The following NAV2 variants were observed in gnomAD, a reference collection of about 807,000 sequenced individuals.
The protein encoded by NAV2 is neuron navigator 2, also known as helicase, APC down-regulated 1.
Under a neutral mutation model 223.2 loss-of-function variants are expected in NAV2, and 54 were observed. The ratio of observed to expected loss-of-function variants is 0.24; its 90% CI spans 0.19 to 0.30. The LOEUF is 0.30. NAV2 is among the 10% of genes least tolerant of loss of function. The probability of loss-of-function intolerance (pLI) is 1.00; values close to 1 mark genes in which losing one functional copy is unlikely to be tolerated. For missense variants in NAV2, 2,806 were observed against 3,147.5 expected (o/e 0.89, Z 2.60); for synonymous variants, 1,279 against 1,239.3 (o/e 1.03, Z -0.67).
intron 1 of NAV2, among the ~76,000 whole-genome samples, chr11:19,360,005 C>T (rs1376571082): frequency 2.6e-5 from 4 of 152,178 alleles, no homozygotes; most frequent in South Asian, 2.1e-4. Context: ...GAGAACTTCC[C>T]TCTGGGTTTC....
At chr11:19,631,071 A>G (rs1369944942) in intron 1 of NAV2, among the ~76,000 whole-genome samples, 6 of 148,310 alleles carry the variant, frequency 4.0e-5, no homozygotes, top group South Asian at 2.1e-4. Context: ...TGCCCCTTTC[A>G]TTTTATCCAT....
intron 1 of NAV2, among the ~76,000 whole-genome samples, chr11:19,365,878 G>A (rs755168181): frequency 6.6e-6 from 1 of 152,198 alleles, no homozygotes; most frequent in Non-Finnish European, 1.5e-5. Flanking sequence ...AGAACAATAA[G>A]CATCTGGACA....
Position 19,350,907 on chromosome 11 carries a change from A to G in NAV2, c.-46A>G, listed in dbSNP as rs376491191. 1.0e-3 allele frequency: 1,576 copies of G among 1,539,082 alleles called. 2 individuals carry two copies. The highest frequency in any genetic ancestry group is 1.7e-3 in the Middle Eastern group (10 of 5,968). On this transcript the variant is annotated 5_prime_UTR_variant, in exon 1 of 38. Transcript: ENST00000360655. ...TGTGGGTTATTTTGTTCCTCTGTGG[A>G]TTTGGAAGCATCGCTGAAGGAGAGA... is the stretch of plus-strand genomic sequence containing the variant.
At chr11:20,075,387 C>A (rs746208837) in intron 22 of NAV2, among the ~76,000 whole-genome samples, 18 of 149,234 alleles carry the variant, frequency 1.2e-4, no homozygotes, top group Non-Finnish European at 2.1e-4. Flanking sequence ...CCATGCCCAG[C>A]TAGTTTTTTG....
At chr11:19,979,744 G>A (rs1463490075) in intron 10 of NAV2, among the ~76,000 whole-genome samples, 7 of 152,318 alleles carry the variant, frequency 4.6e-5, no homozygotes, top group Non-Finnish European at 8.8e-5. Flanking sequence ...ATTAGGAAGT[G>A]CTCCCTATAT....
chr11:19,820,418 G>T (rs2059309506), intron 1 of NAV2, among the ~76,000 whole-genome samples: 1 of 152,260 alleles, frequency 6.6e-6, no homozygotes, highest in South Asian at 2.1e-4. Context: ...AGTAGAGATT[G>T]TGGTTAAAAG....
At chr11:19,465,881 G>A (rs1406062429) in intron 1 of NAV2, among the ~76,000 whole-genome samples, 1 of 152,176 alleles carries the variant, frequency 6.6e-6, no homozygotes, top group East Asian at 1.9e-4. Flanking sequence ...AATGATCTAT[G>A]TCCTAAGGCA....
At chr11:19,657,723 C>A (rs529612488) in intron 1 of NAV2, among the ~76,000 whole-genome samples, 1 of 152,128 alleles carries the variant, frequency 6.6e-6, no homozygotes, top group Non-Finnish European at 1.5e-5. Flanking sequence ...TACTGCTCTG[C>A]GGCTCCAGAC....
At chr11:19,644,890 C>T (rs1246531716) in intron 1 of NAV2, among the ~76,000 whole-genome samples, 1 of 152,180 alleles carries the variant, frequency 6.6e-6, no homozygotes, top group African/African-American at 2.4e-5. Context: ...CTGAATGTTG[C>T]ATCTGGTATT....
rs146858335 is a variant in NAV2 at position 19,982,291 on chromosome 11, G to A, written c.2646-1834G>A. ...TTTGTTTTGTTTTGTTTTTTGAGAC[G>A]GAATCTCACTCTGTCGCCCAGGCTG... On this transcript the variant is annotated intron_variant, in intron 10 of 37. Coordinates refer to ENST00000349880, the MANE Select transcript of NAV2 (RefSeq NM_145117.5). 4.6e-3 allele frequency among the ~76,000 whole-genome samples: 674 copies of A among 145,664 alleles called. 4 individuals carry two copies. Among genetic ancestry groups the A allele is most frequent in the African/African-American group, 0.016 (623 of 39,538 alleles).
intron 1 of NAV2, among the ~76,000 whole-genome samples, chr11:19,522,083 TAGAG>T (rs1565012125): frequency 6.6e-6 from 1 of 152,148 alleles, no homozygotes; most frequent in Non-Finnish European, 1.5e-5. Context: ...GCCTGCTACA[TAGAG>T]AGGTCACAAG....
At chr11:19,960,845 C>G (rs891189154) in intron 10 of NAV2, among the ~76,000 whole-genome samples, 1 of 152,026 alleles carries the variant, frequency 6.6e-6, no homozygotes, top group African/African-American at 2.4e-5. Flanking sequence ...CTCCTGACCT[C>G]AAGTGATGCA....
chr11:19,707,512 T>C (rs1351813527), intron 1 of NAV2, among the ~76,000 whole-genome samples: 3 of 152,218 alleles, frequency 2.0e-5, no homozygotes, highest in Non-Finnish European at 4.4e-5. Context: ...ATTGTCCCTC[T>C]GGAAGGTCTT....
intron 15 of NAV2, 103 bp from the exon 16 acceptor site, chr11:20,049,733 G>A (rs1275817303): frequency 2.7e-6 from 3 of 1,098,806 alleles, no homozygotes; most frequent in Non-Finnish European, 2.8e-6. Context: ...AGGGAAGAAA[G>A]CGAGGATCAG....
At chr11:19,714,862 T>G (rs956850181) in intron 1 of NAV2, among the ~76,000 whole-genome samples, 1 of 152,168 alleles carries the variant, frequency 6.6e-6, no homozygotes, top group African/African-American at 2.4e-5. Context: ...TTCCCCCTTC[T>G]TCTGGTAGGA....
chr11:19,462,431 G>A (rs1180746784), intron 1 of NAV2, among the ~76,000 whole-genome samples: 1 of 152,202 alleles, frequency 6.6e-6, no homozygotes, highest in Non-Finnish European at 1.5e-5. Context: ...TTCACAGCTG[G>A]TGTAATTAAG....
At chr11:19,714,116 C>A in intron 1 of NAV2, 154 bp downstream of exon 1, 1 of 1,166,256 alleles carries the variant, frequency 8.6e-7, no homozygotes. Flanking sequence ...GGGGGATGCG[C>A]GAGGAGAGTG....
intron 1 of NAV2, among the ~76,000 whole-genome samples, chr11:19,494,787 A>C (rs2042740511): frequency 6.6e-6 from 1 of 152,144 alleles, no homozygotes; most frequent in South Asian, 2.1e-4. Flanking sequence ...CTACAGGAGG[A>C]AGGCTGCTGA....
At chr11:20,081,512 G>T (rs1463649452) in intron 25 of NAV2, among the ~76,000 whole-genome samples, 1 of 152,176 alleles carries the variant, frequency 6.6e-6, no homozygotes, top group South Asian at 2.1e-4. Context: ...GCTTAGCTCT[G>T]TCTGATCTTT....
Sources: allele counts gnomAD v4.1 joint callset (sites outside exome capture counted in the v4.1 genomes callset), GRCh38; gene constraint gnomAD v4.1.1; transcripts MANE v1.5; gene names NCBI Gene and HGNC (gene_info 2026-07-23, HGNC 2026-07-21).